TENM3: variants seen among roughly 807,000 people sequenced by gnomAD.
TENM3 encodes teneurin transmembrane protein 3, also known as teneurin-3.
In TENM3, 63 loss-of-function variants were observed where a neutral mutation model predicts 255.1. That is an observed-to-expected ratio of 0.25 (90% confidence interval 0.20 to 0.30). The LOEUF (loss-of-function observed/expected upper bound fraction) is 0.30. Among genes scored for constraint, TENM3 ranks in the 10% least tolerant of loss-of-function variants. The pLI, the probability that TENM3 is intolerant of heterozygous loss-of-function variation, is 1.00. For synonymous variants in TENM3, 1,306 were observed against 1,322.3 expected (o/e 0.99, Z 0.27); for missense variants, 2,929 against 3,461.1 (o/e 0.85, Z 3.86).
At chr4:181,829,500 T>C in the TENM3 span, among the ~76,000 whole-genome samples, 1 of 152,128 alleles carries the variant, frequency 6.6e-6, no homozygotes. Flanking sequence ...AGAAACTCAA[T>C]GTAGTCAATC....
In TENM3 at chr4:182,716,379, C is replaced by T. The variant is rs1345682832; in HGVS notation, c.2368+2146C>T. On this transcript the variant is annotated intron_variant, in intron 13 of 27. Transcript: ENST00000511685. The stretch of plus-strand genomic sequence containing the variant: ...CAAAATTTATCAACTGTGAATTGGC[C>T]TCATTCCCCTTTGTTTATTCTGATT... Among the ~76,000 whole-genome samples, 3 of 152,260 alleles carry T rather than the reference C, an allele frequency of 2.0e-5. No homozygotes were observed. The South Asian group carries it at 6.2e-4, about 32-fold the overall frequency.
the TENM3 span, among the ~76,000 whole-genome samples, chr4:181,605,570 G>GAAA: frequency 4.0e-5 from 1 of 24,842 alleles, no homozygotes; most frequent in Admixed American, 5.0e-4. Flanking sequence ...AAGAAAGAAA[G>GAAA]AGAGAGAAAG....
At chr4:181,824,341 T>G in the TENM3 span, among the ~76,000 whole-genome samples, 1 of 151,668 alleles carries the variant, frequency 6.6e-6, no homozygotes, top group Non-Finnish European at 1.5e-5. Flanking sequence ...CCTCAAGCAA[T>G]CCACCTGCCT....
At chr4:182,330,769 T>C (rs1763695992) in intron 2 of TENM3, among the ~76,000 whole-genome samples, 2 of 152,232 alleles carry the variant, frequency 1.3e-5, no homozygotes, top group African/African-American at 4.8e-5. Flanking sequence ...ACAGTGTATA[T>C]AGTTAAATCT....
chr4:181,457,538 A>G, the TENM3 span, among the ~76,000 whole-genome samples: 1 of 151,826 alleles, frequency 6.6e-6, no homozygotes, highest in Non-Finnish European at 1.5e-5. Flanking sequence ...GTTACTGATC[A>G]ATATGTTTTG....
At chr4:181,721,459 G>C in the TENM3 span, among the ~76,000 whole-genome samples, 3 of 147,160 alleles carry the variant, frequency 2.0e-5, no homozygotes, top group Admixed American at 6.9e-5. Context: ...AATTAGCCGG[G>C]TGTGGTGGCG....
intron 3 of TENM3, among the ~76,000 whole-genome samples, chr4:182,371,258 C>CACAG (rs1554056656): frequency 1.5e-5 from 2 of 132,842 alleles, no homozygotes; most frequent in Non-Finnish European, 3.5e-5. Flanking sequence ...CACACACACA[C>CACAG]ACAGACTTTC....
Position 182,773,614 on chromosome 4 carries a change from T to A in TENM3, c.5035T>A (p.Ser1679Thr), listed in dbSNP as rs1405388270. The A allele has an allele frequency of 1.2e-6, 2 of 1,613,204 alleles. No homozygotes were observed. The highest frequency in any genetic ancestry group is 8.5e-7 in the Non-Finnish European group (1 of 1,179,584). The change falls in exon 23 of 28, where the codon TCC (serine) becomes ACC (threonine). Residue 1679 changes from serine to threonine, a missense_variant. Ser to Thr is a moderately conservative substitution (Grantham distance 58). Transcript: ENST00000511685. ...EEDVSITSNL[S>T]SIDSFYTMVQ... is the part of the protein sequence containing the mutation. ...AGATGTCAGCATCACTTCAAATCTGTCCTCGATCGATTCTTTCTACACCAT... is the reference window on the plus strand; with the variant it reads ...AGATGTCAGCATCACTTCAAATCTGACCTCGATCGATTCTTTCTACACCAT...
At chr4:181,512,639 T>G in the TENM3 span, among the ~76,000 whole-genome samples, 1 of 152,224 alleles carries the variant, frequency 6.6e-6, no homozygotes, top group Non-Finnish European at 1.5e-5. Flanking sequence ...CAGGCTCCTG[T>G]GCTTCCACCT....
intron 2 of TENM3, among the ~76,000 whole-genome samples, chr4:182,334,591 A>G (rs1384621727): frequency 6.6e-6 from 1 of 152,164 alleles, no homozygotes; most frequent in Non-Finnish European, 1.5e-5. Flanking sequence ...TCTATATGAT[A>G]TTGGCATAAA....
chr4:182,307,392 C>T (rs1297360583), intron 1 of TENM3, among the ~76,000 whole-genome samples: 1 of 152,090 alleles, frequency 6.6e-6, no homozygotes, highest in Non-Finnish European at 1.5e-5. Context: ...CACAAAGAAC[C>T]CTTCTACACC....
intron 1 of TENM3, among the ~76,000 whole-genome samples, chr4:182,156,677 G>C (rs1413487051): frequency 6.6e-6 from 1 of 151,354 alleles, no homozygotes; most frequent in East Asian, 1.9e-4. Flanking sequence ...ATTTGATGTA[G>C]CAAATTTACT....
the TENM3 span, among the ~76,000 whole-genome samples, chr4:182,100,800 TATATATACACATATATATACAC>T: frequency 1.1e-3 from 4 of 3,788 alleles, 1 homozygote; most frequent in South Asian, 0.029. Context: ...TATATACACA[TATATATACACATATATATACAC>T]ATATATATAT....
At chr4:181,949,080 G>A in the TENM3 span, among the ~76,000 whole-genome samples, 1 of 151,948 alleles carries the variant, frequency 6.6e-6, no homozygotes, top group East Asian at 1.9e-4. Flanking sequence ...AATGCCAGAC[G>A]TAGAAAAAAA....
chr4:182,321,186 A>G (rs535686242), intron 1 of TENM3, among the ~76,000 whole-genome samples: 1 of 152,278 alleles, frequency 6.6e-6, no homozygotes, highest in South Asian at 2.1e-4. Flanking sequence ...ACTGAGACAT[A>G]TTTATTCACT....
At chr4:182,769,332 C>T (rs548285457) in intron 22 of TENM3, among the ~76,000 whole-genome samples, 10 of 151,986 alleles carry the variant, frequency 6.6e-5, no homozygotes, top group Admixed American at 1.3e-4. Flanking sequence ...TCAGAGTCCC[C>T]GGGTCATTTT....
intron 22 of TENM3, among the ~76,000 whole-genome samples, chr4:182,758,540 A>T (rs1382496547): frequency 1.3e-5 from 2 of 152,130 alleles, no homozygotes; most frequent in Admixed American, 1.3e-4. Flanking sequence ...GAGCATCCTA[A>T]TAGAGGCAGC....
the TENM3 span, among the ~76,000 whole-genome samples, chr4:181,818,344 G>T: frequency 6.6e-6 from 1 of 152,116 alleles, no homozygotes; most frequent in Non-Finnish European, 1.5e-5. Flanking sequence ...GGTGAAAACA[G>T]AATTGAGGCT....
intron 4 of TENM3, among the ~76,000 whole-genome samples, chr4:182,610,039 T>A (rs557239886): frequency 6.6e-6 from 1 of 152,352 alleles, no homozygotes; most frequent in Non-Finnish European, 1.5e-5. Context: ...GCTTTTTACC[T>A]TTGCAGATTT....
Sources: gnomAD v4.1 joint callset for allele counts (sites outside exome capture counted in the v4.1 genomes callset) on GRCh38, gnomAD v4.1.1 for gene constraint, MANE v1.5 for transcripts, NCBI Gene and HGNC (gene_info 2026-07-23, HGNC 2026-07-21) for gene names.